Variants in NEBL observed in about 807,000 individuals in gnomAD.
NEBL encodes nebulette.
In NEBL, 122 loss-of-function variants were observed where a neutral mutation model predicts 140.2. The ratio of observed to expected loss-of-function variants is 0.87; its 90% confidence interval spans 0.75 to 1.01. NEBL has a LOEUF of 1.01. Among genes scored for constraint, NEBL ranks in the 50% least tolerant of loss-of-function variants. The pLI is 0.00. For synonymous variants in NEBL, 436 were observed against 398.9 expected (o/e 1.09, Z -1.11); for missense variants, 1,365 against 1,231.3 (o/e 1.11, Z -1.62).
intron 2 of NEBL, among the ~76,000 whole-genome samples, chr10:21,034,897 AACCCATC>A: frequency 6.6e-6 from 1 of 152,146 alleles, no homozygotes; most frequent in Non-Finnish European, 1.5e-5. Flanking sequence ...TGCACCTGTC[AACCCATC>A]ACCTAGGTGT....
At chr10:21,146,284 C>T (rs769957502) in intron 2 of NEBL, 187 of 1,376,172 alleles carry the variant, frequency 1.4e-4, no homozygotes, top group African/African-American at 2.2e-4. Flanking sequence ...TACATCACCA[C>T]GTGGCCCTGT....
intron 4 of NEBL, among the ~76,000 whole-genome samples, chr10:20,884,315 G>T (rs552795089): frequency 1.3e-5 from 2 of 152,212 alleles, no homozygotes; most frequent in Admixed American, 1.3e-4. Context: ...GGGCTCAAGA[G>T]ATCTGCCCAC....
intron 3 of NEBL, among the ~76,000 whole-genome samples, chr10:21,004,307 C>A (rs1030370385): frequency 1.3e-5 from 2 of 151,872 alleles, no homozygotes; most frequent in African/African-American, 4.8e-5. Flanking sequence ...AATTCAAAGC[C>A]ATTGAAATAT....
At chr10:20,941,012 A>C (rs1161160394) in intron 4 of NEBL, among the ~76,000 whole-genome samples, 2 of 151,912 alleles carry the variant, frequency 1.3e-5, no homozygotes, top group African/African-American at 4.8e-5. Context: ...GAGGTACAAG[A>C]AGGAGCTGGT....
At chr10:20,813,009 T>C (rs1838332148) in intron 23 of NEBL, 69 bp from the exon 24 acceptor site, 2 of 1,341,900 alleles carry the variant, frequency 1.5e-6, no homozygotes, top group African/African-American at 1.4e-5. Context: ...TTTTATTAAA[T>C]GACAGGTGTA....
intron 2 of NEBL, among the ~76,000 whole-genome samples, chr10:21,169,049 C>CAAAAAAAAAAA (rs147147865): frequency 2.0e-4 from 5 of 25,528 alleles, no homozygotes; most frequent in African/African-American, 7.2e-4. Flanking sequence ...ACTCCGTCTA[C>CAAAAAAAAAAA]AAAAAAAAAA....
At chr10:20,985,393 A>C (rs1319534116) in intron 3 of NEBL, among the ~76,000 whole-genome samples, 1 of 152,214 alleles carries the variant, frequency 6.6e-6, no homozygotes, top group Non-Finnish European at 1.5e-5. Flanking sequence ...ACCCACTCAC[A>C]AAAAATTTTG....
intron 1 of NEBL, among the ~76,000 whole-genome samples, chr10:21,263,464 A>G (rs553320661): frequency 2.0e-5 from 3 of 152,148 alleles, no homozygotes; most frequent in Non-Finnish European, 4.4e-5. Flanking sequence ...GTAAGAGTCC[A>G]AGCGGGGGAG....
intron 20 of NEBL, chr10:20,818,613 A>G (rs1191279800): frequency 5.7e-6 from 1 of 176,028 alleles, no homozygotes; most frequent in African/African-American, 2.4e-5. Flanking sequence ...TCATATTGAC[A>G]TCAGATCCAG....
At chr10:21,148,650 C>T (rs754962776) in intron 2 of NEBL, among the ~76,000 whole-genome samples, 6 of 152,054 alleles carry the variant, frequency 3.9e-5, no homozygotes, top group Admixed American at 2.0e-4. Context: ...CTCAGCCTCC[C>T]GAGTAGCTGA....
chr10:21,045,215 A>C (rs1389872920), intron 2 of NEBL, among the ~76,000 whole-genome samples: 1 of 152,230 alleles, frequency 6.6e-6, no homozygotes, highest in Middle Eastern at 3.2e-3. Flanking sequence ...GGAAATACTA[A>C]AGTAAATTAA....
intron 3 of NEBL, among the ~76,000 whole-genome samples, chr10:21,219,861 T>G (rs1365939021): frequency 2.5e-5 from 2 of 80,832 alleles, no homozygotes; most frequent in African/African-American, 2.3e-4. Flanking sequence ...TTTTCTTGGG[T>G]TTTTTTTTTT....
intron 2 of NEBL, among the ~76,000 whole-genome samples, chr10:21,152,715 T>C (rs530986258): frequency 6.6e-6 from 1 of 151,590 alleles, no homozygotes; most frequent in South Asian, 2.1e-4. Context: ...CAAACTCCAC[T>C]CTGAATTTAA....
At chr10:21,222,863 A>G (rs1842090831) in intron 3 of NEBL, among the ~76,000 whole-genome samples, 1 of 152,182 alleles carries the variant, frequency 6.6e-6, no homozygotes, top group Non-Finnish European at 1.5e-5. Flanking sequence ...TCCAGGTTCA[A>G]GTAATTCTCT....
intron 2 of NEBL, among the ~76,000 whole-genome samples, chr10:21,168,773 G>A (rs1840910879): frequency 6.6e-6 from 1 of 151,894 alleles, no homozygotes; most frequent in Non-Finnish European, 1.5e-5. Context: ...CAGTGGCCGG[G>A]CGCGGTGGCT....
chr10:20,910,051 T>C (rs1287255303), intron 4 of NEBL, among the ~76,000 whole-genome samples: 2 of 152,210 alleles, frequency 1.3e-5, no homozygotes, highest in East Asian at 3.8e-4. Context: ...ATAAAAAAGA[T>C]TCTCAGGGTA....
intron 3 of NEBL, among the ~76,000 whole-genome samples, chr10:21,235,462 C>T (rs1842335707): frequency 1.3e-5 from 2 of 152,064 alleles, no homozygotes; most frequent in Admixed American, 6.6e-5. Flanking sequence ...CTACAGGTGC[C>T]TGAGACCACG....
intron 3 of NEBL, among the ~76,000 whole-genome samples, chr10:20,993,072 C>T (rs1837530539): frequency 6.6e-6 from 1 of 151,902 alleles, no homozygotes; most frequent in Non-Finnish European, 1.5e-5. Context: ...CGTGAGCCAC[C>T]GCGCCTGGCC....
At chr10:21,159,627 G>A (rs1840473249) in intron 2 of NEBL, among the ~76,000 whole-genome samples, 1 of 152,182 alleles carries the variant, frequency 6.6e-6, no homozygotes, top group Admixed American at 6.6e-5. Context: ...AAGCCTCCAT[G>A]ACATTTCCAA....
Sources: gnomAD v4.1 joint callset for allele counts (sites outside exome capture counted in the v4.1 genomes callset) on GRCh38, gnomAD v4.1.1 for gene constraint, MANE v1.5 for transcripts, NCBI Gene and HGNC (gene_info 2026-07-23, HGNC 2026-07-21) for gene names.